Variants in TOR1AIP1 observed in about 807,000 individuals in gnomAD.
The protein encoded by TOR1AIP1 is torsin 1A interacting protein 1.
Under a neutral mutation model 63.3 loss-of-function variants are expected in TOR1AIP1, and 54 were observed. The observed-to-expected ratio is 0.85, with a 90% CI of 0.69 to 1.07. TOR1AIP1 has a LOEUF of 1.07. TOR1AIP1 is among the 50% of genes least tolerant of loss of function. The pLI, the probability that TOR1AIP1 is intolerant of heterozygous loss-of-function variation, is 0.00. For synonymous variants in TOR1AIP1, 294 were observed against 273.5 expected (o/e 1.07, Z -0.74); for missense variants, 736 against 715.0 (o/e 1.03, Z -0.33).
At position 179,894,512 on chromosome 1, in the gene TOR1AIP1, C is replaced by T. The variant is rs754164997; in HGVS notation, c.610+5143C>T. 2.6e-5 allele frequency among the ~76,000 whole-genome samples: 4 copies of T among 151,962 alleles called. No homozygotes were observed. In the East Asian group the frequency reaches 7.8e-4, roughly 29 times the overall value. ...GACTAGCCTGGCCAACATGGTGAAA[C>T]CCTATCTCTACTAAAATTACAAAAA... On this transcript the variant is annotated intron_variant, in intron 3 of 9. Coordinates refer to ENST00000606911, the MANE Select transcript of TOR1AIP1 (RefSeq NM_015602.4).
chr1:179,914,189 A>G, intron 9 of TOR1AIP1, 135 bp downstream of exon 9: 1 of 755,676 alleles, frequency 1.3e-6, no homozygotes, highest in South Asian at 1.8e-5. Context: ...GAGAGGAAAA[A>G]GTATATATTC....
At chr1:179,908,444 C>T (rs12127900) in intron 7 of TOR1AIP1, among the ~76,000 whole-genome samples, 161 bp from the exon 8 acceptor site, 3,157 of 152,246 alleles carry the variant, frequency 0.021, 46 homozygotes, top group Middle Eastern at 0.054. Flanking sequence ...CTCACTGATA[C>T]GATCCTTTGA....
intron 6 of TOR1AIP1, among the ~76,000 whole-genome samples, chr1:179,905,307 C>T (rs1414703451): frequency 6.6e-6 from 1 of 151,998 alleles, no homozygotes; most frequent in Non-Finnish European, 1.5e-5. Flanking sequence ...CCTGAGGGGG[C>T]AGTGCGGAGC....
intron 1 of TOR1AIP1, among the ~76,000 whole-genome samples, chr1:179,883,224 C>T (rs369956814): frequency 6.6e-6 from 1 of 152,166 alleles, no homozygotes; most frequent in African/African-American, 2.4e-5. Context: ...CTGGGGCGCT[C>T]TGCCCAACAT....
At chr1:179,903,571 G>A (rs910704931) in intron 5 of TOR1AIP1, among the ~76,000 whole-genome samples, 6 of 151,166 alleles carry the variant, frequency 4.0e-5, no homozygotes, top group African/African-American at 7.3e-5. Flanking sequence ...ACAGTGGTGC[G>A]ATCTCGGCTC....
chr1:179,890,603 A>G (rs569583171), intron 3 of TOR1AIP1, among the ~76,000 whole-genome samples: 1 of 152,100 alleles, frequency 6.6e-6, no homozygotes, highest in African/African-American at 2.4e-5. Context: ...GTTTATTTCT[A>G]TTCTTTTTTT....
intron 3 of TOR1AIP1, among the ~76,000 whole-genome samples, chr1:179,893,116 C>T (rs1003361644): frequency 1.3e-5 from 2 of 151,904 alleles, no homozygotes; most frequent in Non-Finnish European, 2.9e-5. Context: ...GTGGTGGGCA[C>T]CTGTAATCCC....
rs1647857605 is a variant in TOR1AIP1, at chr1:179,884,582, C to G, written c.476-110C>G. 1.9e-5 allele frequency: 17 copies of G among 878,382 alleles called. No homozygotes were observed. The South Asian group carries it at 3.3e-4, about 17-fold the overall frequency. 54.4% of individuals were successfully genotyped at this position (878,382 alleles called of 1,614,324 possible). A position where few individuals can be genotyped will look rare whatever the true frequency, so the allele number is the denominator to read the frequency against. On this transcript the variant is annotated intron_variant, in intron 1 of 9. Coordinates refer to ENST00000606911, the MANE Select transcript of TOR1AIP1 (RefSeq NM_015602.4). ...ACCTAACCACCTGTTTCTAAAGAAA[C>G]GAATTTCTTGAATTTTTGCTTATGT...
chr1:179,900,272 G>A (rs1315037883), intron 4 of TOR1AIP1, 105 bp downstream of exon 4: 4 of 734,432 alleles, frequency 5.4e-6, no homozygotes, highest in Non-Finnish European at 8.9e-6. Flanking sequence ...GCCGGGGACT[G>A]TGGCACATGC....
chr1:179,888,278 GGTTTTT>G (rs1647964897), intron 2 of TOR1AIP1, among the ~76,000 whole-genome samples: 1 of 152,078 alleles, frequency 6.6e-6, no homozygotes, highest in South Asian at 2.1e-4. Context: ...ATGTGTGCAG[GGTTTTT>G]GTTTTTGTTT....
intron 3 of TOR1AIP1, among the ~76,000 whole-genome samples, chr1:179,898,956 A>G (rs1648366292): frequency 1.3e-5 from 2 of 152,016 alleles, no homozygotes; most frequent in Admixed American, 6.6e-5. Flanking sequence ...ACTGATTTGC[A>G]CTTGCCACTG....
chr1:179,901,444 A>G lies in TOR1AIP1; in HGVS notation c.739+56A>G. 4 of 1,139,128 alleles carry G rather than the reference A, an allele frequency of 3.5e-6. 1 individual carries two copies. The highest frequency in any genetic ancestry group is 4.4e-5 in the South Asian group (2 of 45,694). The allele number at this position is 1,139,128 out of a possible 1,614,324, so 70.6% of individuals were successfully genotyped here. ...CTCATAGAACTATCTTTGGTATTCC[A>G]TGAATTTGCTTTTTAAAAAAAACTT... On this transcript the variant is annotated intron_variant, in intron 5 of 9. Transcript: ENST00000606911.
At chr1:179,900,382 TAA>T (rs953772369) in intron 4 of TOR1AIP1, 4 of 320,714 alleles carry the variant, frequency 1.2e-5, no homozygotes, top group Admixed American at 4.6e-5. Flanking sequence ...GTGTCTGCAC[TAA>T]GTTTGGCTTC....
In TOR1AIP1 at chr1:179,882,936, T is replaced by C; in HGVS notation, c.434T>C (p.Val145Ala). Residue 145 changes from valine (V) to alanine (A), a missense_variant, in exon 1 of 10, where the codon GTT (valine) becomes GCT (alanine). Val to Ala is a moderately conservative substitution (Grantham distance 64). Coordinates refer to ENST00000606911, the MANE Select transcript of TOR1AIP1 (RefSeq NM_015602.4). ...CAGCCTCCGCTACAGCCGTCTCCTG[T>C]TATGACCAGGAGAGGGCTGCGGGAC... is the stretch of plus-strand genomic sequence containing the variant. ...SEQPPLQPSPVMTRRGLRDSH... is the reference protein window; with the variant it reads ...SEQPPLQPSPAMTRRGLRDSH... The C allele has an allele frequency of 6.2e-7, 1 of 1,613,876 alleles. No homozygotes were observed. Among genetic ancestry groups the C allele is most frequent in the Non-Finnish European group, 8.5e-7 (1 of 1,179,976 alleles).
chr1:179,886,964 A>G (rs1489408306), intron 2 of TOR1AIP1, among the ~76,000 whole-genome samples: 1 of 152,246 alleles, frequency 6.6e-6, no homozygotes, highest in Non-Finnish European at 1.5e-5. Flanking sequence ...TGCTTTAAGT[A>G]CAAGTTTAAG....
At chr1:179,885,244 C>T (rs1219107799) in intron 2 of TOR1AIP1, among the ~76,000 whole-genome samples, 2 of 152,108 alleles carry the variant, frequency 1.3e-5, no homozygotes, top group Non-Finnish European at 2.9e-5. Context: ...AAGATGCTAT[C>T]GACTATAAGA....
At chr1:179,904,540 A>G (rs1480954665) in intron 6 of TOR1AIP1, 1 of 152,242 alleles carries the variant, frequency 6.6e-6, no homozygotes, top group African/African-American at 2.4e-5. Context: ...GAGAAAGTAT[A>G]ACAAAAAAAG....
At chr1:179,891,396 G>A (rs1411862203) in intron 3 of TOR1AIP1, among the ~76,000 whole-genome samples, 2 of 151,550 alleles carry the variant, frequency 1.3e-5, no homozygotes, top group Admixed American at 1.3e-4. Context: ...TACTTGTTTT[G>A]TATTTTTAGT....
chr1:179,914,835 ATTT>A (rs1211209546), intron 9 of TOR1AIP1, among the ~76,000 whole-genome samples: 1 of 152,052 alleles, frequency 6.6e-6, no homozygotes, highest in African/African-American at 2.4e-5. Context: ...TGATTCTGAA[ATTT>A]TTTGTTCTTG....
Sources: gnomAD v4.1 joint callset for allele counts (sites outside exome capture counted in the v4.1 genomes callset) on GRCh38, gnomAD v4.1.1 for gene constraint, MANE v1.5 for transcripts, NCBI Gene and HGNC (gene_info 2026-07-23, HGNC 2026-07-21) for gene names.